WASF2: variants seen among roughly 807,000 people sequenced by gnomAD.
The protein encoded by WASF2 is actin-binding protein WASF2.
WASF2 carries 14 observed loss-of-function variants against 45.0 expected under a neutral mutation model. That is an observed-to-expected ratio of 0.31 (90% CI 0.21 to 0.49). The LOEUF is 0.49. WASF2 is among the 20% of genes least tolerant of loss of function. The pLI is 0.99. For missense variants in WASF2, 439 were observed against 636.1 expected (o/e 0.69, Z 3.33); for synonymous variants, 200 against 236.3 (o/e 0.85, Z 1.41).
chr1:27,456,607 T>C (rs1298359404), intron 1 of WASF2, among the ~76,000 whole-genome samples: 1 of 152,152 alleles, frequency 6.6e-6, no homozygotes, highest in African/African-American at 2.4e-5. Context: ...CAAATTTAAC[T>C]GGAAAATTAT....
intron 2 of WASF2, among the ~76,000 whole-genome samples, chr1:27,420,704 G>C (rs1484790132): frequency 6.6e-6 from 1 of 151,684 alleles, no homozygotes; most frequent in East Asian, 1.9e-4. Flanking sequence ...TGTATTTTTA[G>C]TAGAGACGGG....
intron 1 of WASF2, among the ~76,000 whole-genome samples, chr1:27,452,533 T>C (rs1282278078): frequency 6.7e-6 from 1 of 148,192 alleles, no homozygotes; most frequent in Non-Finnish European, 1.5e-5. Context: ...AATGAATAAA[T>C]AGGCCAGACG....
chr1:27,430,811 T>TAAAAAAAAA (rs1240054656), intron 1 of WASF2, among the ~76,000 whole-genome samples: 1 of 135,638 alleles, frequency 7.4e-6, no homozygotes. Context: ...TTTATATATT[T>TAAAAAAAAA]AAAAAAAAAA....
intron 2 of WASF2, among the ~76,000 whole-genome samples, chr1:27,427,804 A>G (rs1442228824): frequency 6.6e-6 from 1 of 152,180 alleles, no homozygotes; most frequent in African/African-American, 2.4e-5. Context: ...ACTATCTGAA[A>G]TAATTCACAC....
chr1:27,448,611 G>A (rs1436883842), intron 1 of WASF2, among the ~76,000 whole-genome samples: 1 of 152,042 alleles, frequency 6.6e-6, no homozygotes, highest in African/African-American at 2.4e-5. Flanking sequence ...AGCACTTTGG[G>A]AGGCCGAGGT....
chr1:27,427,615 G>C (rs937504172), intron 2 of WASF2, among the ~76,000 whole-genome samples: 3 of 152,172 alleles, frequency 2.0e-5, no homozygotes, highest in Non-Finnish European at 2.9e-5. Flanking sequence ...GATCAACTGA[G>C]ATGATCCCTG....
intron 2 of WASF2, among the ~76,000 whole-genome samples, chr1:27,424,195 C>T (rs1032958309): frequency 1.3e-5 from 2 of 152,172 alleles, no homozygotes; most frequent in Non-Finnish European, 2.9e-5. Flanking sequence ...GTACAATGCA[C>T]ATGAGGCCAA....
chr1:27,458,682 G>A (rs886514128), intron 1 of WASF2, among the ~76,000 whole-genome samples: 3 of 151,046 alleles, frequency 2.0e-5, no homozygotes, highest in South Asian at 2.1e-4. Flanking sequence ...AATCCCAGCT[G>A]CACGGGGTGC....
chr1:27,475,834 C>T (rs963003060), intron 1 of WASF2, among the ~76,000 whole-genome samples: 1 of 152,092 alleles, frequency 6.6e-6, no homozygotes, highest in African/African-American at 2.4e-5. Context: ...CACCATGTTA[C>T]CCAGGCTGGT....
chr1:27,471,127 G>A (rs944543123), intron 1 of WASF2, among the ~76,000 whole-genome samples: 2 of 151,918 alleles, frequency 1.3e-5, no homozygotes, highest in African/African-American at 2.4e-5. Context: ...GGCGGATCAC[G>A]AGGTCAGGAG....
intron 1 of WASF2, among the ~76,000 whole-genome samples, chr1:27,482,961 G>A (rs1399072420): frequency 1.3e-5 from 2 of 152,148 alleles, no homozygotes; most frequent in Non-Finnish European, 2.9e-5. Context: ...GGTGCTATTG[G>A]CAACCAGGGA....
chr1:27,441,148 G>A (rs1371304364), intron 1 of WASF2, among the ~76,000 whole-genome samples: 1 of 152,060 alleles, frequency 6.6e-6, no homozygotes, highest in Non-Finnish European at 1.5e-5. Context: ...GATTACAGGA[G>A]TGAGCCAACA....
chr1:27,427,929 A>T (rs1571130502), intron 2 of WASF2, among the ~76,000 whole-genome samples: 2 of 152,150 alleles, frequency 1.3e-5, no homozygotes, highest in African/African-American at 4.8e-5. Context: ...CCCTTCCCAT[A>T]TCTCAGCTTC....
chr1:27,416,050 C>G lies in WASF2; in HGVS notation c.472G>C (p.Asp158His). 1 of 1,614,082 alleles carries G rather than the reference C, an allele frequency of 6.2e-7. No homozygotes were observed. Among genetic ancestry groups the G allele is most frequent in the East Asian group, 2.2e-5 (1 of 44,880 alleles). Residue 158 changes from aspartate to histidine, a missense_variant, in exon 5 of 9, where the codon GAT (aspartate) becomes CAT (histidine). Asp to His is a moderately conservative substitution (Grantham distance 81, BLOSUM62 -1). Around this residue, in one of 5 missense-constraint regions of WASF2, gnomAD observed 98 missense variants for 120.7 expected, o/e 0.81. Coordinates refer to ENST00000618852, the MANE Select transcript of WASF2 (RefSeq NM_006990.5). ...TGCAGCATCTTCTCCTTCCAAAGAT[C>G]AAAGAAGTATGAAGGGTCTGTGTAG... ...KFYTDPSYFF[D>H]LWKEKMLQDT...
At chr1:27,486,796 T>C (rs1201207855) in intron 1 of WASF2, among the ~76,000 whole-genome samples, 1 of 151,814 alleles carries the variant, frequency 6.6e-6, no homozygotes, top group East Asian at 1.9e-4. Flanking sequence ...TGGCGGTGCA[T>C]GCCTGTAGTC....
chr1:27,439,996 GTC>G (rs2017187974), intron 1 of WASF2, among the ~76,000 whole-genome samples: 1 of 152,016 alleles, frequency 6.6e-6, no homozygotes, highest in Admixed American at 6.6e-5. Flanking sequence ...ATGAGACTCT[GTC>G]TCAAAAAAAC....
Position 27,408,362 on chromosome 1 carries a change from C to G in WASF2, c.1340-16G>C, listed in dbSNP as rs747790128. Reference sequence around the variant, plus strand: ...AGCTGAAAACCTAGTGGCAAAGAGACAGAAGGGTGAGGAAGGCGTGTCCTC... The same window carrying G: ...AGCTGAAAACCTAGTGGCAAAGAGAGAGAAGGGTGAGGAAGGCGTGTCCTC... On this transcript the variant is annotated splice_polypyrimidine_tract_variant and intron_variant, in intron 8 of 8. Transcript: ENST00000618852. 1.9e-6 allele frequency: 3 copies of G among 1,614,008 alleles called. No homozygotes were observed. The highest frequency in any genetic ancestry group is 2.5e-6 in the Non-Finnish European group (3 of 1,180,022).
At chr1:27,445,126 T>A (rs1245518416) in intron 1 of WASF2, among the ~76,000 whole-genome samples, 1 of 152,212 alleles carries the variant, frequency 6.6e-6, no homozygotes, top group African/African-American at 2.4e-5. Flanking sequence ...GGAGACAAAG[T>A]AGGATTCTTA....
intron 2 of WASF2, among the ~76,000 whole-genome samples, chr1:27,427,916 C>T (rs752230962): frequency 6.6e-6 from 1 of 152,164 alleles, no homozygotes; most frequent in African/African-American, 2.4e-5. Context: ...ATCCAAGCAT[C>T]TGCCCTTCCC....
Sources: gnomAD v4.1 joint callset for allele counts (sites outside exome capture counted in the v4.1 genomes callset) on GRCh38, gnomAD v4.1.1 for gene constraint, gnomAD v4.1.1 regional missense constraint, MANE v1.5 for transcripts, NCBI Gene and HGNC (gene_info 2026-07-23, HGNC 2026-07-21) for gene names.